The following ITGAE variants were observed in gnomAD, a reference collection of about 807,000 sequenced individuals.
ITGAE encodes integrin alpha-E.
In ITGAE, 99 loss-of-function variants were observed where a neutral mutation model predicts 136.5. The observed-to-expected ratio is 0.73, with a 90% confidence interval of 0.62 to 0.86. The LOEUF (loss-of-function observed/expected upper bound fraction) is 0.86. Among genes scored for constraint, ITGAE ranks in the 40% least tolerant of loss-of-function variants. The pLI is 0.00. For missense variants in ITGAE, 1,447 were observed against 1,515.3 expected, an observed-to-expected ratio of 0.95 and a Z score of 0.75; for synonymous variants, 613 against 591.8, an observed-to-expected ratio of 1.04 and a Z score of -0.52.
chr17:3,783,793 AAT>A (rs2052717034), intron 1 of ITGAE, among the ~76,000 whole-genome samples: 1 of 152,202 alleles, frequency 6.6e-6, no homozygotes, highest in African/African-American at 2.4e-5. Flanking sequence ...TATGCACACA[AAT>A]ATGTTGTTTT....
At chr17:3,789,565 A>G (rs1462599461) in intron 1 of ITGAE, among the ~76,000 whole-genome samples, 2 of 149,894 alleles carry the variant, frequency 1.3e-5, no homozygotes, top group Non-Finnish European at 3.0e-5. Flanking sequence ...CAGTGGTGCA[A>G]TCTCGGCTCA....
At chr17:3,797,166 T>TAC (rs2053130455) in intron 1 of ITGAE, among the ~76,000 whole-genome samples, 2 of 108,550 alleles carry the variant, frequency 1.8e-5, no homozygotes, top group African/African-American at 6.8e-5. Context: ...TATTTTTTTT[T>TAC]TTTTTTTTTT....
rs760736644 is a variant in ITGAE, at chr17:3,734,886, C to T, written c.2586G>A (p.Gly862=). Residue 862 remains glycine, a synonymous_variant, in exon 21 of 31, where the codon GGG becomes GGA. Transcript: ENST00000263087. ...CCATGCTTGTCATGTAGGAATCTTC[C>T]CCGGAGTTAGTTAGGTTAATGTTCA... The part of the protein sequence containing the change: ...LTLNINLTNS[G]EDSYMTSMAL... 1.2e-6 allele frequency: 2 copies of T among 1,614,184 alleles called. No homozygotes were observed. The highest frequency in any genetic ancestry group is 1.7e-5 in the Admixed American group (1 of 60,016).
chr17:3,797,393 C>T (rs2053144569), intron 1 of ITGAE, among the ~76,000 whole-genome samples: 1 of 150,956 alleles, frequency 6.6e-6, no homozygotes, highest in Admixed American at 6.6e-5. Context: ...TCTCGATCTC[C>T]TGACCTCATG....
At chr17:3,779,053 G>T (rs1044672467) in intron 1 of ITGAE, among the ~76,000 whole-genome samples, 1 of 141,664 alleles carries the variant, frequency 7.1e-6, no homozygotes, top group African/African-American at 2.7e-5. Flanking sequence ...CTAACCTATA[G>T]TAAAAAAAAA....
chr17:3,728,365 T>TC, intron 24 of ITGAE, 197 bp from the exon 25 acceptor site: 1 of 295,874 alleles, frequency 3.4e-6, no homozygotes, highest in East Asian at 7.4e-5. Context: ...ACTACACTCA[T>TC]CCCTTTTTTT....
At chr17:3,748,554 T>C (rs1044115844) in intron 16 of ITGAE, among the ~76,000 whole-genome samples, 8 of 152,148 alleles carry the variant, frequency 5.3e-5, no homozygotes, top group Admixed American at 5.2e-4. Context: ...GCCACGGCAC[T>C]CCAGCCTGGG....
At chr17:3,764,260 G>A (rs1283714444) in intron 2 of ITGAE, among the ~76,000 whole-genome samples, 1 of 152,182 alleles carries the variant, frequency 6.6e-6, no homozygotes, top group Non-Finnish European at 1.5e-5. Context: ...GGGATGGGGA[G>A]GCCAGAAAAC....
At position 3,796,168 on chromosome 17, in the gene ITGAE, TCC is replaced by T. The variant is rs1483232443; in HGVS notation, c.34+4941_34+4942del. On this transcript the variant is annotated intron_variant, in intron 1 of 30. Transcript: ENST00000263087. ...GCATCCGTGTGTGTGTGTGTGTGCA[TCC>T]GTGTGTGTGTGTGTGTGTGTGTGGT... Among the ~76,000 whole-genome samples the T allele has an allele frequency of 6.8e-3, 223 of 33,026 alleles. 7 individuals are homozygous for T. Among genetic ancestry groups the T allele is most frequent in the South Asian group, 0.012 (22 of 1,890 alleles). The allele number at this position is 33,026 out of a possible 152,430, so 21.7% of individuals were successfully genotyped here.
rs139815273 is a variant in ITGAE, at chr17:3,763,836, G to T, written c.247+33C>A. 76 of 1,551,802 alleles carry T rather than the reference G, an allele frequency of 4.9e-5. No individual in the cohort carries two copies. In the East Asian group the frequency reaches 1.6e-3, roughly 33 times the overall value. ...GGGATTTTGCTAGAAAGGGGGTCCT[G>T]GGGAGCATTCCCTGGAGTTGGGGCT... On this transcript the variant is annotated intron_variant, in intron 3 of 30. Coordinates refer to ENST00000263087, the MANE Select transcript of ITGAE (RefSeq NM_002208.5).
At chr17:3,717,441 A>C (rs1252419637) in intron 29 of ITGAE, 1 of 152,202 alleles carries the variant, frequency 6.6e-6, no homozygotes, top group East Asian at 1.9e-4. Context: ...TGTTTTCCAA[A>C]GGCTCTCCCA....
Position 3,761,245 on chromosome 17 carries a change from A to G in ITGAE, c.434-68T>C, listed in dbSNP as rs2052160723. On this transcript the variant is annotated intron_variant, in intron 5 of 30. Coordinates refer to ENST00000263087, the MANE Select transcript of ITGAE (RefSeq NM_002208.5). ...CATCCTCGCCTGAGCACGCTCACAC[A>G]TGGTTCTGCCCTGATTCCTTTCACG... The G allele has an allele frequency of 3.8e-6, 6 of 1,576,356 alleles. No individual in the cohort carries two copies. In the South Asian group the frequency reaches 5.8e-5, roughly 15 times the overall value.
At chr17:3,788,244 T>TC (rs2052846237) in intron 1 of ITGAE, among the ~76,000 whole-genome samples, 1 of 151,850 alleles carries the variant, frequency 6.6e-6, no homozygotes, top group African/African-American at 2.4e-5. Flanking sequence ...TTAATGAAGT[T>TC]CAAAAAAAAT....
chr17:3,784,625 C>T (rs1281663501), intron 1 of ITGAE, among the ~76,000 whole-genome samples: 1 of 152,082 alleles, frequency 6.6e-6, no homozygotes, highest in African/African-American at 2.4e-5. Context: ...AATCTCTTGA[C>T]CTCGTGATCC....
rs1033237663 is a variant in ITGAE, at chr17:3,748,379, G to A, written c.2025-327C>T. 1.2e-4 allele frequency among the ~76,000 whole-genome samples: 18 copies of A among 152,220 alleles called. No homozygotes were observed. In the South Asian group the frequency reaches 3.3e-3, roughly 28 times the overall value. On this transcript the variant is annotated intron_variant, in intron 16 of 30. Transcript: ENST00000263087. ...GGCGGGAGGATCACCTGAGGTCAGG[G>A]GTTCGAGACCAGCCTGGCCAACTTG...
chr17:3,761,645 G>A, intron 4 of ITGAE, 125 bp from the exon 5 acceptor site: 1 of 873,056 alleles, frequency 1.1e-6, no homozygotes. Context: ...GGAAGAGCTG[G>A]CCCACCCCTC....
At position 3,716,724 on chromosome 17, in the gene ITGAE, A is replaced by C. The variant is rs780108948; in HGVS notation, c.3408T>G (p.Leu1136=). The change falls in exon 30 of 31, where the codon CTT becomes CTG. Residue 1136 remains leucine (L), a synonymous_variant. Transcript: ENST00000263087. The stretch of plus-strand genomic sequence containing the variant: ...TGACCAGAATCACGATCAACACCAG[A>C]AGTCCACCAACGCTGCCTTTAATGA... ...PIIIKGSVGG[L]LVLIVILVIL... 3.7e-5 allele frequency: 60 copies of C among 1,610,644 alleles called. No homozygotes were observed. The highest frequency in any genetic ancestry group is 5.0e-5 in the Non-Finnish European group (59 of 1,176,960).
chr17:3,737,554 A>G (rs1358460892), intron 20 of ITGAE, among the ~76,000 whole-genome samples: 2 of 152,014 alleles, frequency 1.3e-5, no homozygotes, highest in African/African-American at 4.8e-5. Flanking sequence ...ACATGACAAG[A>G]GGTGCATATA....
At chr17:3,770,668 A>G (rs1464561662) in intron 2 of ITGAE, among the ~76,000 whole-genome samples, 1 of 152,172 alleles carries the variant, frequency 6.6e-6, no homozygotes, top group African/African-American at 2.4e-5. Flanking sequence ...TCTCTGCAGC[A>G]GGAACCCAGA....
Sources: allele counts gnomAD v4.1 joint callset (sites outside exome capture counted in the v4.1 genomes callset), GRCh38; gene constraint gnomAD v4.1.1; transcripts MANE v1.5; gene names NCBI Gene and HGNC (gene_info 2026-07-23, HGNC 2026-07-21).